The following ESR1 variants were observed in gnomAD, a reference collection of about 807,000 sequenced individuals.
ESR1 encodes the protein estrogen receptor.
In ESR1, 12 loss-of-function variants were observed where a neutral mutation model predicts 52.7. That is an observed-to-expected ratio of 0.23 (90% CI 0.15 to 0.37). The LOEUF is 0.37. ESR1 is among the 10% of genes least tolerant of loss of function. ESR1 has a pLI of 1.00. For missense variants in ESR1, 584 were observed against 779.7 expected, an observed-to-expected ratio of 0.75 and a Z score of 2.99; for synonymous variants, 305 against 316.8, an observed-to-expected ratio of 0.96 and a Z score of 0.39.
chr6:151,899,263 A>G (rs1404006623), intron 3 of ESR1, among the ~76,000 whole-genome samples: 1 of 87,552 alleles, frequency 1.1e-5, no homozygotes, highest in Non-Finnish European at 2.3e-5. Flanking sequence ...CTGAACCCCC[A>G]CCTCCCTCCC....
chr6:151,762,070 T>G (rs1784698645), intron 2 of ESR1, among the ~76,000 whole-genome samples: 1 of 152,198 alleles, frequency 6.6e-6, no homozygotes, highest in Non-Finnish European at 1.5e-5. Context: ...CCTCTGCAGA[T>G]GGTAACCAGA....
At chr6:151,979,635 G>A (rs1317522605) in intron 4 of ESR1, among the ~76,000 whole-genome samples, 1 of 152,252 alleles carries the variant, frequency 6.6e-6, no homozygotes, top group African/African-American at 2.4e-5. Flanking sequence ...TTAATGAATA[G>A]ATAAGAATGA....
chr6:151,946,391 G>A lies in ESR1; in HGVS notation c.1096+1883G>A, dbSNP rs980707198. ...TGTTGAAGAGCATTTTAAACAACTG[G>A]AATTAAGCTCAAATACATTACCAGT... On this transcript the variant is annotated intron_variant, in intron 4 of 7. Coordinates refer to ENST00000206249, the MANE Select transcript of ESR1 (RefSeq NM_000125.4). Among the ~76,000 whole-genome samples the A allele has an allele frequency of 3.3e-5, 5 of 152,188 alleles. No individual in the cohort carries two copies. In the South Asian group the frequency reaches 8.3e-4, roughly 25 times the overall value.
downstream of ESR1, among the ~76,000 whole-genome samples, chr6:152,105,377 C>T (rs967657888): frequency 6.6e-6 from 1 of 151,922 alleles, no homozygotes; most frequent in Admixed American, 6.6e-5. Flanking sequence ...CTTTTCCCCC[C>T]AAATTGTTAA....
chr6:151,756,905 G>A (rs570537876), intron 2 of ESR1, among the ~76,000 whole-genome samples: 6 of 152,286 alleles, frequency 3.9e-5, no homozygotes, highest in South Asian at 2.1e-4. Flanking sequence ...CACAAGAATC[G>A]CTTGAACCCT....
intron 6 of ESR1, among the ~76,000 whole-genome samples, chr6:152,124,827 T>C (rs2052783984): frequency 6.6e-6 from 1 of 152,204 alleles, no homozygotes; most frequent in Non-Finnish European, 1.5e-5. Flanking sequence ...GACAGGGCCT[T>C]AGAGAGCATC....
intron 2 of ESR1, among the ~76,000 whole-genome samples, chr6:151,851,529 A>AT (rs1583670597): frequency 1.4e-5 from 1 of 73,730 alleles, no homozygotes; most frequent in African/African-American, 4.1e-5. Context: ...ATGATGAAGG[A>AT]GTTTTTTTTT....
chr6:151,762,771 C>A (rs893023901), intron 2 of ESR1, among the ~76,000 whole-genome samples: 1 of 152,166 alleles, frequency 6.6e-6, no homozygotes, highest in African/African-American at 2.4e-5. Flanking sequence ...CAAAGCCAGC[C>A]TGGCCAACAT....
chr6:151,924,772 T>G (rs974521491), intron 3 of ESR1, among the ~76,000 whole-genome samples: 11 of 152,014 alleles, frequency 7.2e-5, no homozygotes, highest in African/African-American at 2.2e-4. Flanking sequence ...TGCTCTCGTG[T>G]TTTTTTTCTT....
intron 2 of ESR1, among the ~76,000 whole-genome samples, chr6:151,718,012 T>G (rs1224851732): frequency 6.6e-6 from 1 of 152,212 alleles, no homozygotes; most frequent in Non-Finnish European, 1.5e-5. Flanking sequence ...CCTCACCATT[T>G]TAACCATATC....
intron 4 of ESR1, among the ~76,000 whole-genome samples, chr6:151,975,711 A>G (rs1020119385): frequency 5.3e-5 from 8 of 152,180 alleles, no homozygotes; most frequent in Non-Finnish European, 1.2e-4. Flanking sequence ...CTGATTGTAA[A>G]CATTAATTAT....
intron 7 of ESR1, among the ~76,000 whole-genome samples, chr6:152,096,883 G>A (rs1322608335): frequency 2.6e-5 from 4 of 152,210 alleles, no homozygotes; most frequent in Non-Finnish European, 5.9e-5. Flanking sequence ...GGGAATTTCG[G>A]TGATGTTGTA....
At chr6:151,743,681 C>T (rs1405626833) in intron 2 of ESR1, among the ~76,000 whole-genome samples, 2 of 152,158 alleles carry the variant, frequency 1.3e-5, no homozygotes, top group African/African-American at 4.8e-5. Flanking sequence ...GGTGGCATCT[C>T]TCATTAGAAC....
At chr6:151,824,932 GA>G (rs1193165591) in intron 1 of ESR1, among the ~76,000 whole-genome samples, 4 of 148,610 alleles carry the variant, frequency 2.7e-5, no homozygotes, top group Non-Finnish European at 6.0e-5. Context: ...AAAAAAAAAA[GA>G]AAAAAAAGAG....
At chr6:151,678,092 T>C (rs187031771) in intron 1 of ESR1, among the ~76,000 whole-genome samples, 7 of 152,216 alleles carry the variant, frequency 4.6e-5, no homozygotes, top group Non-Finnish European at 7.3e-5. Flanking sequence ...GTGGAACAGA[T>C]GGATAGAAGT....
At chr6:151,696,963 G>T (rs1445128670) in intron 1 of ESR1, among the ~76,000 whole-genome samples, 2 of 152,144 alleles carry the variant, frequency 1.3e-5, no homozygotes, top group Non-Finnish European at 2.9e-5. Context: ...TGAAAGGCAT[G>T]GGGGAGGTGG....
In ESR1 at chr6:152,099,260, C is replaced by T. The variant is rs1282487786; in HGVS notation, c.*294C>T. On this transcript the variant is annotated 3_prime_UTR_variant, in exon 8 of 8. Coordinates refer to ENST00000206249, the MANE Select transcript of ESR1 (RefSeq NM_000125.4). ...GTAGCTCTTCACAGCTGAACTCAGT[C>T]TATGGGTTGGGGCTCAGATAACTCT... 1 of 488,714 alleles carries T rather than the reference C, an allele frequency of 2.0e-6. No individual in the cohort carries two copies. The highest frequency in any genetic ancestry group is 1.9e-5 in the African/African-American group (1 of 52,074). The allele number at this position is 488,714 out of a possible 1,614,324, so 30.3% of individuals were successfully genotyped here. A position where few individuals can be genotyped will look rare whatever the true frequency, so the allele number is the denominator to read the frequency against.
At chr6:151,819,699 A>G (rs1017271757) in intron 1 of ESR1, among the ~76,000 whole-genome samples, 10 of 152,136 alleles carry the variant, frequency 6.6e-5, no homozygotes, top group Non-Finnish European at 4.4e-5. Context: ...ATTTCATTAT[A>G]TGTTACAGTA....
Position 151,675,284 on chromosome 6 carries a change from T to C in ESR1, n.73+18521T>C, listed in dbSNP as rs548469536. 5.3e-4 allele frequency among the ~76,000 whole-genome samples: 80 copies of C among 152,312 alleles called. 1 individual carries two copies. Among genetic ancestry groups the C allele is most frequent in the African/African-American group, 1.9e-3 (79 of 41,566 alleles). On this transcript the variant is annotated intron_variant and non_coding_transcript_variant, in intron 1 of 2. Transcript: ENST00000473497. Reference sequence around the variant, plus strand: ...ACTGAGGGTCTACTGTGTACCTGAGTCTAGCCAGAGGCTTGTGGTGGAGAG... The same window carrying C: ...ACTGAGGGTCTACTGTGTACCTGAGCCTAGCCAGAGGCTTGTGGTGGAGAG...
Sources: gnomAD v4.1 joint callset for allele counts (sites outside exome capture counted in the v4.1 genomes callset) on GRCh38, gnomAD v4.1.1 for gene constraint, MANE v1.5 for transcripts, NCBI Gene and HGNC (gene_info 2026-07-23, HGNC 2026-07-21) for gene names.